Variants in SPECC1L observed in about 807,000 individuals in gnomAD.
SPECC1L encodes the protein sperm antigen with calponin homology and coiled-coil domains 1 like.
SPECC1L carries 40 observed loss-of-function variants against 116.8 expected under a neutral mutation model. The ratio of observed to expected loss-of-function variants is 0.34; its 90% CI spans 0.27 to 0.45. The LOEUF (loss-of-function observed/expected upper bound fraction) is 0.45, where lower values mean the gene tolerates loss of function less well. Among genes scored for constraint, SPECC1L ranks in the 20% least tolerant of loss-of-function variants. The probability of loss-of-function intolerance (pLI) is 1.00; values close to 1 mark genes in which losing one functional copy is unlikely to be tolerated. For synonymous variants in SPECC1L, 504 were observed against 500.6 expected (o/e 1.01, Z -0.09); for missense variants, 1,110 against 1,373.6 (o/e 0.81, Z 3.03).
chr22:24,386,399 C>A (rs1359170508), intron 14 of SPECC1L, among the ~76,000 whole-genome samples: 1 of 151,736 alleles, frequency 6.6e-6, no homozygotes, highest in East Asian at 1.9e-4. Context: ...AGACCCCCGT[C>A]CCTACAAAAA....
chr22:24,384,253 A>T (rs2042119384), intron 14 of SPECC1L, among the ~76,000 whole-genome samples: 1 of 152,212 alleles, frequency 6.6e-6, no homozygotes, highest in African/African-American at 2.4e-5. Context: ...GAGAAAAAAG[A>T]TACTAGGTTA....
At position 24,365,574 on chromosome 22, in the gene SPECC1L, C is replaced by G. The variant is rs1178766585; in HGVS notation, c.2926C>G (p.Leu976Val). Residue 976 changes from leucine to valine, a missense_variant, in exon 13 of 17, where the codon CTT becomes GTT. Leu to Val is a conservative substitution (Grantham distance 32). Transcript: ENST00000314328. ...LMAMGTTSPQLSLSSSPTASV... is the reference protein window; with the variant it reads ...LMAMGTTSPQVSLSSSPTASV... ...GGCTATGGGAACCACGTCTCCACAG[C>G]TTTCCCTGTCCTCTTCTCCAACGGC... The G allele has an allele frequency of 6.2e-7, 1 of 1,614,070 alleles. No homozygotes were observed. Among genetic ancestry groups the G allele is most frequent in the African/African-American group, 1.3e-5 (1 of 74,930 alleles).
chr22:24,355,546 A>G (rs1032428375), intron 11 of SPECC1L, among the ~76,000 whole-genome samples: 2 of 152,028 alleles, frequency 1.3e-5, no homozygotes, highest in Admixed American at 1.3e-4. Context: ...GTTTATACTC[A>G]TACCTGACTC....
intron 4 of SPECC1L, among the ~76,000 whole-genome samples, chr22:24,319,865 C>T (rs985493125): frequency 2.0e-5 from 3 of 152,184 alleles, no homozygotes; most frequent in Non-Finnish European, 2.9e-5. Flanking sequence ...TTTAAAAATA[C>T]TTATTGATTA....
At chr22:24,304,613 G>C (rs2049452271) in intron 3 of SPECC1L, among the ~76,000 whole-genome samples, 1 of 152,158 alleles carries the variant, frequency 6.6e-6, no homozygotes, top group African/African-American at 2.4e-5. Context: ...TTCACTTACT[G>C]TTCAGGTGTT....
chr22:24,380,046 T>G (rs184873632), intron 14 of SPECC1L, among the ~76,000 whole-genome samples: 14 of 152,252 alleles, frequency 9.2e-5, no homozygotes, highest in Admixed American at 7.8e-4. Flanking sequence ...AATTTTTGTA[T>G]TCTTAGTGGA....
intron 9 of SPECC1L, among the ~76,000 whole-genome samples, chr22:24,336,225 C>T (rs1249606132): frequency 1.3e-5 from 2 of 151,608 alleles, no homozygotes; most frequent in Non-Finnish European, 1.5e-5. Context: ...CGCTGCAATC[C>T]TTTATAGTAA....
At chr22:24,314,075 C>T (rs541000792) in intron 4 of SPECC1L, among the ~76,000 whole-genome samples, 4 of 150,750 alleles carry the variant, frequency 2.7e-5, no homozygotes, top group South Asian at 2.1e-4. Context: ...GATGGAGTTT[C>T]GCTCTGTCAC....
intron 12 of SPECC1L, among the ~76,000 whole-genome samples, chr22:24,365,189 G>A (rs143376477): frequency 1.3e-5 from 2 of 152,170 alleles, no homozygotes; most frequent in East Asian, 1.9e-4. Flanking sequence ...TGTATTTTTA[G>A]TAGAGACAGG....
At chr22:24,292,641 A>T (rs2049175697) in intron 2 of SPECC1L, among the ~76,000 whole-genome samples, 1 of 151,940 alleles carries the variant, frequency 6.6e-6, no homozygotes, top group Non-Finnish European at 1.5e-5. Flanking sequence ...TGTATGGGAG[A>T]CCCGGAAGGA....
intron 5 of SPECC1L, 26 bp downstream of exon 5, chr22:24,322,944 T>C (rs200452346): frequency 2.5e-6 from 4 of 1,613,034 alleles, no homozygotes; most frequent in Non-Finnish European, 3.4e-6. Flanking sequence ...ATTAAAATGT[T>C]CCGGACAGCA....
At chr22:24,319,452 G>A (rs1304577900) in intron 4 of SPECC1L, among the ~76,000 whole-genome samples, 1 of 152,226 alleles carries the variant, frequency 6.6e-6, no homozygotes, top group Non-Finnish European at 1.5e-5. Flanking sequence ...GAAACACATA[G>A]GGATTATGGG....
chr22:24,404,087 C>T (rs2042534697), intron 14 of SPECC1L, among the ~76,000 whole-genome samples: 1 of 152,248 alleles, frequency 6.6e-6, no homozygotes, highest in Non-Finnish European at 1.5e-5. Flanking sequence ...ATCACTGCTG[C>T]ATTGACCACT....
Position 24,353,555 on chromosome 22 carries a change from C to A in SPECC1L, c.2743+6379C>A, listed in dbSNP as rs143664272. 8.5e-5 allele frequency among the ~76,000 whole-genome samples: 13 copies of A among 152,178 alleles called. No homozygotes were observed. In the East Asian group the frequency reaches 2.5e-3, roughly 29 times the overall value. On this transcript the variant is annotated intron_variant, in intron 11 of 16. Transcript: ENST00000314328. ...GAGTAGCTGGGATTACAGGCGCATA[C>A]CACCACACTCAGCTAATTTTTTTGT... is the stretch of plus-strand genomic sequence containing the variant.
intron 11 of SPECC1L, among the ~76,000 whole-genome samples, chr22:24,350,393 CTT>C (rs1301451463): frequency 1.3e-5 from 2 of 152,176 alleles, no homozygotes; most frequent in East Asian, 3.9e-4. Flanking sequence ...GTACTGGACT[CTT>C]GATAAAAAAT....
intron 11 of SPECC1L, among the ~76,000 whole-genome samples, chr22:24,358,935 G>A (rs146235933): frequency 1.3e-5 from 2 of 152,208 alleles, no homozygotes; most frequent in Non-Finnish European, 2.9e-5. Context: ...CTCTGTTTAC[G>A]TTTATCCACT....
At chr22:24,341,536 A>G (rs993450308) in intron 10 of SPECC1L, among the ~76,000 whole-genome samples, 1 of 152,230 alleles carries the variant, frequency 6.6e-6, no homozygotes, top group Non-Finnish European at 1.5e-5. Context: ...GCCGTAAAAG[A>G]TCTTTAAAAA....
At chr22:24,358,115 GT>G (rs531551339) in intron 11 of SPECC1L, among the ~76,000 whole-genome samples, 6,902 of 128,692 alleles carry the variant, frequency 0.054, 219 homozygotes, top group South Asian at 0.13. Flanking sequence ...GTTTTTTTTG[GT>G]TTTTTTTTTT....
chr22:24,348,126 C>T (rs1009122236), intron 11 of SPECC1L, among the ~76,000 whole-genome samples: 1 of 152,070 alleles, frequency 6.6e-6, no homozygotes, highest in Non-Finnish European at 1.5e-5. Context: ...GGGTGTGGTG[C>T]TGGGAAAAGC....
Sources: allele counts gnomAD v4.1 joint callset (sites outside exome capture counted in the v4.1 genomes callset), GRCh38; gene constraint gnomAD v4.1.1; transcripts MANE v1.5; gene names NCBI Gene and HGNC (gene_info 2026-07-23, HGNC 2026-07-21).